Variants in RIMS3 observed in about 807,000 individuals in gnomAD.
RIMS3 encodes regulating synaptic membrane exocytosis protein 3.
RIMS3 carries 15 observed loss-of-function variants against 29.2 expected under a neutral mutation model. The ratio of observed to expected loss-of-function variants is 0.51; its 90% confidence interval spans 0.34 to 0.79. The LOEUF (loss-of-function observed/expected upper bound fraction) is 0.79, where lower values mean the gene tolerates loss of function less well. Ranked by LOEUF, RIMS3 falls within the 30% of genes least tolerant of loss-of-function variation. The pLI is 0.01. For missense variants in RIMS3, 342 were observed against 421.4 expected, an observed-to-expected ratio of 0.81 and a Z score of 1.65; for synonymous variants, 161 against 170.1, an observed-to-expected ratio of 0.95 and a Z score of 0.41.
In RIMS3 at chr1:40,626,568, C is replaced by T. The variant is rs1415533616; in HGVS notation, c.876G>A (p.Arg292=). ...TCTCCAGGGAAGACTGGGACAGGCG[C>T]CTGGTGAGGGATCCGAGTGTGGAGT... ...VADSTLGSLT[R]RLSQSSLESA... is the part of the protein sequence containing the mutation. Residue 292 remains arginine (R), a synonymous_variant, in exon 8 of 8, where the codon AGG becomes AGA. Coordinates refer to ENST00000372684, the MANE Select transcript of RIMS3 (RefSeq NM_014747.3). The T allele has an allele frequency of 1.2e-6, 2 of 1,613,780 alleles. No individual in the cohort carries two copies. Among genetic ancestry groups the T allele is most frequent in the East Asian group, 2.2e-5 (1 of 44,870 alleles).
At chr1:40,679,897 T>C in the RIMS3 span, among the ~76,000 whole-genome samples, 3 of 152,122 alleles carry the variant, frequency 2.0e-5, no homozygotes, top group Admixed American at 2.0e-4. Flanking sequence ...AGAATTTTTT[T>C]TTTTTTTTTG....
chr1:40,644,610 G>A (rs923409516), intron 2 of RIMS3, among the ~76,000 whole-genome samples: 9 of 152,360 alleles, frequency 5.9e-5, no homozygotes, highest in Middle Eastern at 3.4e-3. Context: ...GGAGGGGGCT[G>A]CAGGAGTCCA....
chr1:40,659,020 G>A (rs1002720467), intron 1 of RIMS3, among the ~76,000 whole-genome samples: 1 of 152,210 alleles, frequency 6.6e-6, no homozygotes, highest in Non-Finnish European at 1.5e-5. Context: ...GGGAGACAGC[G>A]AGTAAGAGAT....
intron 5 of RIMS3, among the ~76,000 whole-genome samples, chr1:40,630,873 G>C (rs959631723): frequency 6.6e-6 from 1 of 152,196 alleles, no homozygotes; most frequent in African/African-American, 2.4e-5. Flanking sequence ...ATTGGATTTG[G>C]CTAATTCCCA....
At position 40,628,859 on chromosome 1, in the gene RIMS3, T is replaced by A. The variant is rs1646470729; in HGVS notation, c.665A>T (p.Tyr222Phe). 1.9e-6 allele frequency: 3 copies of A among 1,614,030 alleles called. No individual in the cohort carries two copies. The highest frequency in any genetic ancestry group is 2.5e-6 in the Non-Finnish European group (3 of 1,180,054). The change falls in exon 7 of 8, where the codon TAC becomes TTC. Residue 222 changes from tyrosine (Y) to phenylalanine (F), a missense_variant. Coordinates refer to ENST00000372684, the MANE Select transcript of RIMS3 (RefSeq NM_014747.3). ...KMTKKTCDPL[Y>F]QQALLFDEGP... is the part of the protein sequence containing the mutation. ...CTCGTCAAAGAGCAGAGCCTGCTGGTACAGGGGATCACAGGTCTTCTTGGT... is the reference window on the plus strand; with the variant it reads ...CTCGTCAAAGAGCAGAGCCTGCTGGAACAGGGGATCACAGGTCTTCTTGGT...
chr1:40,637,766 A>G (rs1327372437), intron 3 of RIMS3, among the ~76,000 whole-genome samples: 1 of 152,142 alleles, frequency 6.6e-6, no homozygotes, highest in Non-Finnish European at 1.5e-5. Context: ...CTCCCATTCA[A>G]TCACATATGT....
intron 1 of RIMS3, among the ~76,000 whole-genome samples, chr1:40,658,047 TA>T (rs1642295550): frequency 6.6e-6 from 1 of 152,178 alleles, no homozygotes; most frequent in African/African-American, 2.4e-5. Flanking sequence ...AAAAAATGTT[TA>T]TTACCAGGGA....
At chr1:40,667,338 G>T (rs1018385154), upstream of RIMS3, among the ~76,000 whole-genome samples, 3 of 152,128 alleles carry the variant, frequency 2.0e-5, no homozygotes, top group Admixed American at 6.5e-5. Context: ...GCAGCAAGGG[G>T]GACTAGATTA....
the RIMS3 span, among the ~76,000 whole-genome samples, chr1:40,671,460 G>A: frequency 6.6e-6 from 1 of 150,982 alleles, no homozygotes; most frequent in East Asian, 1.9e-4. Context: ...GGGCCTGGTG[G>A]GAGATGATTA....
intron 1 of RIMS3, among the ~76,000 whole-genome samples, chr1:40,658,475 G>C (rs114075292): frequency 6.6e-6 from 1 of 152,196 alleles, no homozygotes; most frequent in Non-Finnish European, 1.5e-5. Flanking sequence ...GGAAGCTAAC[G>C]AAGATCCCCC....
At chr1:40,672,603 G>A in the RIMS3 span, among the ~76,000 whole-genome samples, 1 of 152,224 alleles carries the variant, frequency 6.6e-6, no homozygotes, top group Non-Finnish European at 1.5e-5. Context: ...TGGTCTGAAA[G>A]ACTTGGCAGA....
At chr1:40,680,141 AAAAAC>A in the RIMS3 span, among the ~76,000 whole-genome samples, 1,625 of 152,112 alleles carry the variant, frequency 0.011, 27 homozygotes, top group African/African-American at 0.037. Flanking sequence ...TAAAACAAAC[AAAAAC>A]AAAACAAAAC....
the RIMS3 span, among the ~76,000 whole-genome samples, chr1:40,676,781 C>T: frequency 3.9e-5 from 6 of 152,142 alleles, no homozygotes; most frequent in African/African-American, 1.4e-4. Flanking sequence ...TAATAATACT[C>T]CCTTGCTTTT....
the RIMS3 span, among the ~76,000 whole-genome samples, chr1:40,684,637 G>A: frequency 6.6e-6 from 1 of 152,208 alleles, no homozygotes; most frequent in Admixed American, 6.5e-5. Flanking sequence ...AATGTTTGCT[G>A]GCTACTTCAC....
chr1:40,655,710 C>T (rs934678609), intron 1 of RIMS3, among the ~76,000 whole-genome samples: 1 of 152,182 alleles, frequency 6.6e-6, no homozygotes. Flanking sequence ...TCTGCCAAAT[C>T]TACAGACTCC....
At chr1:40,691,383 G>A in the RIMS3 span, 1 of 201,694 alleles carries the variant, frequency 5.0e-6, no homozygotes, top group Admixed American at 6.3e-5. Context: ...CCCCTACTTA[G>A]TTCCTAAAAC....
At chr1:40,667,703 G>A (rs777427818), upstream of RIMS3, among the ~76,000 whole-genome samples, 22 of 152,156 alleles carry the variant, frequency 1.4e-4, no homozygotes, top group Non-Finnish European at 2.8e-4. Flanking sequence ...TGTCTTACCC[G>A]ATACTAAAAC....
the RIMS3 span, among the ~76,000 whole-genome samples, chr1:40,687,202 G>A: frequency 3.3e-5 from 5 of 152,186 alleles, no homozygotes; most frequent in Admixed American, 3.3e-4. Context: ...AGAATAGGGC[G>A]TAAGCGTTTA....
chr1:40,675,277 A>G, the RIMS3 span, among the ~76,000 whole-genome samples: 3 of 111,612 alleles, frequency 2.7e-5, no homozygotes, highest in Non-Finnish European at 6.0e-5. Context: ...CTGTCTCAGG[A>G]AAAAAAAAAA....
Sources: gnomAD v4.1 joint callset for allele counts (sites outside exome capture counted in the v4.1 genomes callset) on GRCh38, gnomAD v4.1.1 for gene constraint, MANE v1.5 for transcripts, NCBI Gene and HGNC (gene_info 2026-07-23, HGNC 2026-07-21) for gene names.